The following APLF variants were observed in gnomAD, a reference collection of about 807,000 sequenced individuals.
The protein encoded by APLF is aprataxin and PNK-like factor.
Under a neutral mutation model 55.6 loss-of-function variants are expected in APLF, and 61 were observed. The observed-to-expected ratio is 1.10, with a 90% CI of 0.89 to 1.36. APLF has a LOEUF of 1.36. Among genes scored for constraint, APLF ranks in the 40% most tolerant of loss-of-function variants. The pLI is 0.00. For synonymous variants in APLF, 207 were observed against 214.8 expected, an observed-to-expected ratio of 0.96 and a Z score of 0.32; for missense variants, 611 against 602.5, an observed-to-expected ratio of 1.01 and a Z score of -0.15.
At chr2:68,550,939 T>C (rs1297360637) in intron 8 of APLF, among the ~76,000 whole-genome samples, 1 of 152,178 alleles carries the variant, frequency 6.6e-6, no homozygotes, top group African/African-American at 2.4e-5. Flanking sequence ...TATTTATTAT[T>C]TTGAGTGCCC....
intron 2 of APLF, among the ~76,000 whole-genome samples, chr2:68,492,246 GGGT>G (rs1176286694): frequency 1.8e-3 from 267 of 144,988 alleles, no homozygotes; most frequent in Non-Finnish European, 3.3e-3. Flanking sequence ...TGGGAGGCCG[GGGT>G]GGGTGGATCA....
chr2:68,513,146 A>G lies in APLF; in HGVS notation c.408A>G (p.Leu136=). 1.2e-6 allele frequency: 2 copies of G among 1,611,480 alleles called. No individual in the cohort carries two copies. Among genetic ancestry groups the G allele is most frequent in the Non-Finnish European group, 1.7e-6 (2 of 1,178,386 alleles). The change falls in exon 4 of 10, where the codon TTA becomes TTG. Residue 136 remains leucine (L), a synonymous_variant. Transcript: ENST00000303795. ...CACCAAAATCCCCCGTGATTAATTT[A>G]CCTCATGAGACTACTGGTGCCTCAC... ...NETPKSPVIN[L]PHETTGASQL...
At chr2:68,473,398 A>G (rs1054518503) in intron 1 of APLF, among the ~76,000 whole-genome samples, 1 of 152,110 alleles carries the variant, frequency 6.6e-6, no homozygotes, top group African/African-American at 2.4e-5. Context: ...TTATCCATTC[A>G]CCTACTAAAG....
rs561431817 is a variant in APLF at position 68,549,383 on chromosome 2, C to T, written c.1286+4071C>T. ...TTGCCTGGTCCTTTGAATATTATTT[C>T]CCTCTTAGTCTCTAAAATGTTTTTA... On this transcript the variant is annotated intron_variant, in intron 8 of 9. Transcript: ENST00000303795. Among the ~76,000 whole-genome samples the T allele has an allele frequency of 2.0e-5, 3 of 152,076 alleles. No individual in the cohort carries two copies. In the South Asian group the frequency reaches 6.2e-4, roughly 32 times the overall value.
intron 5 of APLF, among the ~76,000 whole-genome samples, chr2:68,521,399 A>G (rs1669894127): frequency 6.6e-6 from 1 of 151,942 alleles, no homozygotes; most frequent in African/African-American, 2.4e-5. Flanking sequence ...TATGATGAAT[A>G]GAAGTGTTGA....
intron 1 of APLF, among the ~76,000 whole-genome samples, chr2:68,487,570 ATTG>A (rs937890928): frequency 3.9e-5 from 6 of 152,120 alleles, no homozygotes; most frequent in African/African-American, 1.4e-4. Flanking sequence ...TTGATAATTG[ATTG>A]TTATTACAGT....
intron 7 of APLF, among the ~76,000 whole-genome samples, chr2:68,541,127 C>A (rs889923476): frequency 1.1e-4 from 17 of 152,058 alleles, no homozygotes; most frequent in African/African-American, 3.9e-4. Context: ...TAACTCCTGC[C>A]TTATACCTAT....
chr2:68,474,416 G>T (rs978726157), intron 1 of APLF, among the ~76,000 whole-genome samples: 2 of 152,142 alleles, frequency 1.3e-5, no homozygotes, highest in Admixed American at 1.3e-4. Flanking sequence ...CTATCTAGGG[G>T]CTGCTAGATG....
At chr2:68,498,680 C>T (rs1676631403) in intron 2 of APLF, among the ~76,000 whole-genome samples, 1 of 152,228 alleles carries the variant, frequency 6.6e-6, no homozygotes, top group African/African-American at 2.4e-5. Context: ...ATTACAAAGG[C>T]AAACTGATGA....
At chr2:68,523,836 T>G (rs1411064528) in intron 5 of APLF, among the ~76,000 whole-genome samples, 1 of 151,986 alleles carries the variant, frequency 6.6e-6, no homozygotes, top group African/African-American at 2.4e-5. Context: ...GTCAGCCATT[T>G]TAAGCTATTC....
chr2:68,564,956 A>T (rs2104063006), intron 8 of APLF, among the ~76,000 whole-genome samples: 1 of 152,242 alleles, frequency 6.6e-6, no homozygotes, highest in African/African-American at 2.4e-5. Flanking sequence ...GGCTGTTTAC[A>T]TTTAAATATG....
rs149187950 is a variant in APLF at position 68,560,923 on chromosome 2, G to A, written c.1287-6418G>A. Among the ~76,000 whole-genome samples, 312 of 152,192 alleles carry A rather than the reference G, an allele frequency of 2.1e-3. 1 individual carries two copies. Among genetic ancestry groups the A allele is most frequent in the African/African-American group, 7.3e-3 (305 of 41,542 alleles). ...TTTGACTTAGAGTTACATGCAAAAG[G>A]TATTTTGCCTTGTTATGAAATAACT... On this transcript the variant is annotated intron_variant, in intron 8 of 9. Coordinates refer to ENST00000303795, the MANE Select transcript of APLF (RefSeq NM_173545.3).
chr2:68,523,905 A>AG (rs966073763), intron 5 of APLF, among the ~76,000 whole-genome samples: 26 of 151,380 alleles, frequency 1.7e-4, no homozygotes, highest in African/African-American at 6.3e-4. Context: ...CTTCTCATGC[A>AG]GAAAAAAAAA....
At chr2:68,526,911 C>T (rs1306927042) in intron 6 of APLF, among the ~76,000 whole-genome samples, 3 of 152,202 alleles carry the variant, frequency 2.0e-5, no homozygotes, top group Non-Finnish European at 4.4e-5. Context: ...CGATCTCGAT[C>T]TCCTTTTTTT....
rs543120732 is a variant in APLF, at chr2:68,499,168, G to A, written c.169-3563G>A. On this transcript the variant is annotated intron_variant, in intron 2 of 9. Coordinates refer to ENST00000303795, the MANE Select transcript of APLF (RefSeq NM_173545.3). ...TGTATTTTAGTTTCATTTTTTGCAG[G>A]GATAATGCATCCTTTGCACCACTTC... is the stretch of plus-strand genomic sequence containing the variant. Among the ~76,000 whole-genome samples the A allele has an allele frequency of 5.9e-5, 9 of 152,072 alleles. No homozygotes were observed. The East Asian group carries it at 1.7e-3, about 29-fold the overall frequency.
chr2:68,548,714 C>T (rs887795385), intron 8 of APLF, among the ~76,000 whole-genome samples: 6 of 151,768 alleles, frequency 4.0e-5, no homozygotes, highest in African/African-American at 4.8e-5. Flanking sequence ...GTATATAATT[C>T]GTGGCACTGT....
At chr2:68,518,133 T>C (rs548064935) in intron 5 of APLF, among the ~76,000 whole-genome samples, 1 of 127,264 alleles carries the variant, frequency 7.9e-6, no homozygotes, top group Non-Finnish European at 1.6e-5. Flanking sequence ...TAATATATAT[T>C]AATATATAAT....
intron 9 of APLF, among the ~76,000 whole-genome samples, chr2:68,573,728 A>G (rs1671546237): frequency 6.6e-6 from 1 of 151,508 alleles, no homozygotes; most frequent in Admixed American, 6.6e-5. Flanking sequence ...GTTCATTGTC[A>G]TGAGTTCATT....
intron 7 of APLF, among the ~76,000 whole-genome samples, chr2:68,543,658 C>T (rs1670620363): frequency 6.6e-6 from 1 of 152,106 alleles, no homozygotes; most frequent in Non-Finnish European, 1.5e-5. Context: ...TGCAGTATTA[C>T]TTATAGAAGT....
Sources: gnomAD v4.1 joint callset for allele counts (sites outside exome capture counted in the v4.1 genomes callset) on GRCh38, gnomAD v4.1.1 for gene constraint, MANE v1.5 for transcripts, NCBI Gene and HGNC (gene_info 2026-07-23, HGNC 2026-07-21) for gene names.